EXOC1: variants seen among roughly 807,000 people sequenced by gnomAD.
The protein encoded by EXOC1 is exocyst complex component 1, also known as SEC3-like 1.
EXOC1 carries 67 observed loss-of-function variants against 107.7 expected under a neutral mutation model. The ratio of observed to expected loss-of-function variants is 0.62; its 90% CI spans 0.51 to 0.76. EXOC1 has a LOEUF of 0.76. Ranked by LOEUF, EXOC1 falls within the 30% of genes least tolerant of loss-of-function variation. The probability of loss-of-function intolerance (pLI) is 0.00; values close to 1 mark genes in which losing one functional copy is unlikely to be tolerated. For missense variants in EXOC1, 833 were observed against 1,055.7 expected (o/e 0.79, Z 2.92); for synonymous variants, 348 against 353.5 (o/e 0.98, Z 0.17).
intron 5 of EXOC1, 176 bp downstream of exon 5, chr4:55,868,699 C>A: frequency 2.0e-6 from 1 of 493,734 alleles, no homozygotes; most frequent in Non-Finnish European, 3.4e-6. Flanking sequence ...AAAAGATGAA[C>A]TATTCCTGTT....
At chr4:55,870,565 T>C in intron 5 of EXOC1, 113 bp from the exon 6 acceptor site, 1 of 996,168 alleles carries the variant, frequency 1.0e-6, no homozygotes, top group Non-Finnish European at 1.5e-6. Context: ...GTTATGCTAC[T>C]TTCAAGGAAA....
rs1724531246 is a variant in EXOC1, at chr4:55,891,410, G to T, written c.1635G>T (p.Met545Ile). ...KFFKLQQHQSMPGTMAEAEDL... is the reference protein window; with the variant it reads ...KFFKLQQHQSIPGTMAEAEDL... ...TCAAACTACAGCAACATCAAAGTATGCCTGGAACTATGGTATGGCTCACAG... is the reference window on the plus strand; with the variant it reads ...TCAAACTACAGCAACATCAAAGTATTCCTGGAACTATGGTATGGCTCACAG... Residue 545 changes from methionine (M) to isoleucine (I), a missense_variant, in exon 13 of 19, where the codon ATG (methionine) becomes ATT (isoleucine). Physicochemically the swap from Met to Ile is conservative, Grantham distance 10. Coordinates refer to ENST00000381295, the MANE Select transcript of EXOC1 (RefSeq NM_001024924.2). The T allele has an allele frequency of 6.2e-7, 1 of 1,607,014 alleles. No homozygotes were observed. Among genetic ancestry groups the T allele is most frequent in the African/African-American group, 1.3e-5 (1 of 74,782 alleles).
chr4:55,897,363 T>A (rs185477677), intron 16 of EXOC1, among the ~76,000 whole-genome samples: 1 of 152,120 alleles, frequency 6.6e-6, no homozygotes. Context: ...TTTTAACAAG[T>A]GGTCTTCTAG....
intron 3 of EXOC1, 105 bp from the exon 4 acceptor site, chr4:55,864,122 T>A: frequency 9.7e-6 from 7 of 719,566 alleles, no homozygotes; most frequent in Non-Finnish European, 1.5e-5. Flanking sequence ...TGATTTTTAA[T>A]ACTCTTCATT....
chr4:55,891,545 T>C, intron 13 of EXOC1, 123 bp downstream of exon 13: 1 of 671,716 alleles, frequency 1.5e-6, no homozygotes, highest in South Asian at 2.2e-5. Context: ...TAAGGATTTT[T>C]TTATGATGTA....
chr4:55,896,714 T>G lies in EXOC1; in HGVS notation c.1954-3T>G. The G allele has an allele frequency of 6.3e-7, 1 of 1,598,974 alleles. No individual in the cohort carries two copies. Among genetic ancestry groups the G allele is most frequent in the African/African-American group, 1.4e-5 (1 of 73,966 alleles). ...ATCTCCCTTGCTCTCTGCCTAACTT[T>G]AGAGTAACCAAATAAGGCAAATGGA... On this transcript the variant is annotated splice_polypyrimidine_tract_variant and splice_region_variant and intron_variant, in intron 15 of 18. Transcript: ENST00000381295.
intron 18 of EXOC1, 52 bp downstream of exon 18, chr4:55,902,590 T>C: frequency 7.4e-7 from 1 of 1,352,358 alleles, no homozygotes; most frequent in East Asian, 2.7e-5. Context: ...CATATATTGC[T>C]TTTCTTTAAA....
rs59458672 is a variant in EXOC1, at chr4:55,866,714, T to G, written c.416-1622T>G. ...GGCAAATTTAGCTTCTTATGGATCT[T>G]TCCACTTGGTAGTTGATTTGGCTGT... On this transcript the variant is annotated intron_variant, in intron 4 of 18. Coordinates refer to ENST00000381295, the MANE Select transcript of EXOC1 (RefSeq NM_001024924.2). 2.5e-3 allele frequency among the ~76,000 whole-genome samples: 376 copies of G among 152,306 alleles called. 1 individual carries two copies. The highest frequency in any genetic ancestry group is 0.014 in the Middle Eastern group (4 of 294).
intron 5 of EXOC1, 31 bp from the exon 6 acceptor site, chr4:55,870,647 T>TGTTC (rs2110334659): frequency 6.5e-7 from 1 of 1,549,596 alleles, no homozygotes; most frequent in African/African-American, 1.4e-5. Context: ...TTTGTTTGTT[T>TGTTC]GTTTGTTTGT....
Position 55,865,276 on chromosome 4 carries a change from T to C in EXOC1, c.415+890T>C, listed in dbSNP as rs192093140. Among the ~76,000 whole-genome samples, 128 of 152,300 alleles carry C rather than the reference T, an allele frequency of 8.4e-4. 1 individual carries two copies. The highest frequency in any genetic ancestry group is 2.8e-3 in the African/African-American group (117 of 41,576). The stretch of plus-strand genomic sequence containing the variant: ...AAACTCTACCATTAATTAGTGAAAA[T>C]ATGAGATTTTCTCTACTTTTAAAAT... On this transcript the variant is annotated intron_variant, in intron 4 of 18. Transcript: ENST00000381295.
At chr4:55,872,827 G>A (rs1296846323) in intron 8 of EXOC1, 22 of 962,162 alleles carry the variant, frequency 2.3e-5, no homozygotes, top group Non-Finnish European at 2.1e-5. Flanking sequence ...ATCAAATTTG[G>A]CTCAAGCTTC....
rs766957814 is a variant in EXOC1 at position 55,871,926 on chromosome 4, G to A, written c.1042G>A (p.Ala348Thr). 6.2e-7 allele frequency: 1 copy of A among 1,613,688 alleles called. No individual in the cohort carries two copies. Among genetic ancestry groups the A allele is most frequent in the East Asian group, 2.2e-5 (1 of 44,872 alleles). ...GCGAGAGCTTTTTGCCCGGAGACTG[G>A]CCAGTCACCTCAACAATGTTTTTGT... is the stretch of plus-strand genomic sequence containing the variant. ...DLRELFARRL[A>T]SHLNNVFVQQ... Residue 348 changes from alanine to threonine, a missense_variant, in exon 8 of 19, where the codon GCC (alanine) becomes ACC (threonine). This residue lies in a region of EXOC1 where 617 missense variants were observed against 701.3 expected (regional missense o/e 0.88). Transcript: ENST00000381295.
At chr4:55,884,536 G>A (rs1241876201) in intron 10 of EXOC1, among the ~76,000 whole-genome samples, 1 of 152,118 alleles carries the variant, frequency 6.6e-6, no homozygotes, top group Non-Finnish European at 1.5e-5. Context: ...ATTTTAAATG[G>A]ACAAAAACAT....
chr4:55,894,851 A>G (rs1368575573), intron 15 of EXOC1, among the ~76,000 whole-genome samples: 1 of 151,780 alleles, frequency 6.6e-6, no homozygotes, highest in Non-Finnish European at 1.5e-5. Context: ...CAAACTCCCA[A>G]CCTCAGGTGA....
chr4:55,876,369 G>A, intron 8 of EXOC1: 1 of 926,722 alleles, frequency 1.1e-6, no homozygotes, highest in Non-Finnish European at 1.3e-6. Flanking sequence ...GAATGTTTCA[G>A]ATTTTAGAAA....
intron 16 of EXOC1, 42 bp from the exon 17 acceptor site, chr4:55,899,643 A>G (rs1334481923): frequency 2.0e-6 from 3 of 1,534,248 alleles, no homozygotes; most frequent in Admixed American, 1.9e-5. Context: ...AAATATGGTC[A>G]TACTCAGAGA....
chr4:55,901,644 A>G (rs1008579418), intron 17 of EXOC1, among the ~76,000 whole-genome samples: 2 of 152,142 alleles, frequency 1.3e-5, no homozygotes, highest in African/African-American at 2.4e-5. Flanking sequence ...AACCTTATTT[A>G]TAGCCAAAGA....
chr4:55,857,260 G>A (rs1490998833), intron 1 of EXOC1, among the ~76,000 whole-genome samples: 3 of 121,492 alleles, frequency 2.5e-5, no homozygotes, highest in African/African-American at 9.5e-5. Context: ...CTCACTGCAA[G>A]CTCCGCCTCC....
intron 8 of EXOC1, among the ~76,000 whole-genome samples, chr4:55,875,195 T>C (rs719007): frequency 0.04 from 6,107 of 152,266 alleles, 174 homozygotes; most frequent in Admixed American, 0.083. Context: ...AAACAAGCTA[T>C]AATAAAATAA....
Sources: allele counts gnomAD v4.1 joint callset (sites outside exome capture counted in the v4.1 genomes callset), GRCh38; gene constraint gnomAD v4.1.1; regional missense constraint gnomAD v4.1.1; transcripts MANE v1.5; gene names NCBI Gene and HGNC (gene_info 2026-07-23, HGNC 2026-07-21).